The following DCAF8L2 variants were observed in gnomAD, a reference collection of about 807,000 sequenced individuals.
DCAF8L2 encodes the protein DDB1- and CUL4-associated factor 8-like protein 2.
For missense variants in DCAF8L2, 430 were observed against 490.7 expected (o/e 0.88, Z 1.17); for synonymous variants, 200 against 190.9 (o/e 1.05, Z -0.39).
intron 3 of DCAF8L2, among the ~76,000 whole-genome samples, chrX:27,678,311 T>A (rs1276748075): frequency 9.0e-6 from 1 of 111,677 alleles, no homozygotes; most frequent in Non-Finnish European, 1.9e-5. Context: ...TACCATATGA[T>A]CCAGAAATTT....
chrX:27,732,208 C>G (rs1041458102), intron 4 of DCAF8L2, among the ~76,000 whole-genome samples: 3 of 111,465 alleles, frequency 2.7e-5, no homozygotes, highest in African/African-American at 9.8e-5. Context: ...CTATAGTCTT[C>G]ATGCTGTACA....
At chrX:27,661,828 C>T (rs1929569168) in intron 2 of DCAF8L2, among the ~76,000 whole-genome samples, 1 of 111,534 alleles carries the variant, frequency 9.0e-6, no homozygotes, top group African/African-American at 3.3e-5. Context: ...AAATATTTCA[C>T]TCATGCTGTG....
At chrX:27,588,364 T>A (rs1002237928), upstream of DCAF8L2, among the ~76,000 whole-genome samples, 5 of 111,094 alleles carry the variant, frequency 4.5e-5, no homozygotes, top group Non-Finnish European at 9.4e-5. Flanking sequence ...TATTTCATGG[T>A]GTGTACGTAC....
chrX:27,504,273 A>G, the DCAF8L2 span, among the ~76,000 whole-genome samples: 2 of 112,096 alleles, frequency 1.8e-5, no homozygotes, highest in African/African-American at 6.5e-5. Flanking sequence ...GCAGCAAGAA[A>G]AATTATTTTT....
the DCAF8L2 span, among the ~76,000 whole-genome samples, chrX:27,549,553 A>G: frequency 9.0e-6 from 1 of 111,547 alleles, no homozygotes; most frequent in Non-Finnish European, 1.9e-5. Context: ...TTAAAGTCAA[A>G]TGCATTCCAT....
intron 2 of DCAF8L2, among the ~76,000 whole-genome samples, chrX:27,635,418 G>A: frequency 9.0e-6 from 1 of 111,666 alleles, no homozygotes; most frequent in South Asian, 3.7e-4. Flanking sequence ...ATATAGCTGT[G>A]TTGATAGTAA....
rs1276414275 is a variant in DCAF8L2, at chrX:27,637,374, A to AGTAT, written c.-220+5376_-220+5379dup. Reference sequence around the variant, plus strand: ...GTGGGTTTCTAACTTTTAATTTTCTAGTATGGTGACCACTACCCAAATATA... The same window carrying AGTAT: ...GTGGGTTTCTAACTTTTAATTTTCTAGTATGTATGGTGACCACTACCCAAATATA... On this transcript the variant is annotated intron_variant, in intron 2 of 4. Transcript: ENST00000451261. 4.5e-5 allele frequency among the ~76,000 whole-genome samples: 5 copies of AGTAT among 111,823 alleles called. No homozygotes were observed. In the East Asian group the frequency reaches 1.4e-3, roughly 32 times the overall value.
At chrX:27,665,207 T>A (rs1929698574) in intron 2 of DCAF8L2, among the ~76,000 whole-genome samples, 1 of 110,524 alleles carries the variant, frequency 9.0e-6, no homozygotes. Flanking sequence ...TGGGAGGATT[T>A]AAAAATATCA....
chrX:27,742,344 G>A (rs1316654590), intron 4 of DCAF8L2, among the ~76,000 whole-genome samples: 1 of 111,177 alleles, frequency 9.0e-6, no homozygotes, highest in Non-Finnish European at 1.9e-5. Flanking sequence ...CGAGGTGGAC[G>A]GATCACCTGA....
chrX:27,554,772 A>G, the DCAF8L2 span, among the ~76,000 whole-genome samples: 499 of 111,574 alleles, frequency 4.5e-3, 3 homozygotes, highest in Non-Finnish European at 6.5e-3. Context: ...ACAGCTGCCA[A>G]TCATGAGAAG....
chrX:27,597,171 A>G (rs1453693009), intron 1 of DCAF8L2, among the ~76,000 whole-genome samples: 1 of 112,229 alleles, frequency 8.9e-6, no homozygotes, highest in South Asian at 3.6e-4. Context: ...ATATTTGTTT[A>G]AAATCATATA....
chrX:27,635,830 TGATG>T (rs1307893968), intron 2 of DCAF8L2, among the ~76,000 whole-genome samples: 10 of 98,740 alleles, frequency 1.0e-4, no homozygotes, highest in African/African-American at 1.8e-4. Context: ...TGTGTGTGTG[TGATG>T]GAGTTTTGCT....
intron 1 of DCAF8L2, among the ~76,000 whole-genome samples, chrX:27,626,028 T>A (rs1166451775): frequency 9.0e-6 from 1 of 111,239 alleles, no homozygotes; most frequent in African/African-American, 3.3e-5. Flanking sequence ...TAAAAAAAAA[T>A]AACTTGAAAA....
intron 2 of DCAF8L2, among the ~76,000 whole-genome samples, chrX:27,646,962 G>C (rs928087497): frequency 8.9e-6 from 1 of 111,840 alleles, no homozygotes; most frequent in Non-Finnish European, 1.9e-5. Flanking sequence ...CTATTGGTGG[G>C]AATGTAAATT....
intron 3 of DCAF8L2, among the ~76,000 whole-genome samples, chrX:27,700,116 C>T (rs1931076609): frequency 9.0e-6 from 1 of 111,111 alleles, no homozygotes; most frequent in Admixed American, 9.6e-5. Context: ...AGCATGTAGC[C>T]TACCATAAGA....
chrX:27,606,305 TTATATATATATAGGAATTA>T (rs1439118171), intron 1 of DCAF8L2, among the ~76,000 whole-genome samples: 869 of 73,051 alleles, frequency 0.012, 28 homozygotes, highest in Non-Finnish European at 0.017. Context: ...TATATATGAA[TTATATATATATAGGAATTA>T]TATATATATA....
chrX:27,744,818 C>T (rs1449343808), intron 4 of DCAF8L2, among the ~76,000 whole-genome samples: 2 of 111,597 alleles, frequency 1.8e-5, no homozygotes, highest in Non-Finnish European at 3.8e-5. Flanking sequence ...TCTCTTACCA[C>T]GTGACACTCC....
the DCAF8L2 span, among the ~76,000 whole-genome samples, chrX:27,580,591 A>T: frequency 2.7e-5 from 3 of 111,715 alleles, no homozygotes; most frequent in Non-Finnish European, 5.6e-5. Context: ...AAGGACTGCC[A>T]GGGTACATAA....
chrX:27,481,749 A>G, the DCAF8L2 span, among the ~76,000 whole-genome samples: 5 of 112,025 alleles, frequency 4.5e-5, no homozygotes. Context: ...AACTAGAGAA[A>G]GAATGAATTT....
Sources: allele counts gnomAD v4.1 joint callset (sites outside exome capture counted in the v4.1 genomes callset), GRCh38; gene constraint gnomAD v4.1.1; transcripts MANE v1.5; gene names NCBI Gene and HGNC (gene_info 2026-07-23, HGNC 2026-07-21).